The following SLC26A6 variants were observed in gnomAD, a reference collection of about 807,000 sequenced individuals.
SLC26A6 encodes the protein anion exchange transporter.
In SLC26A6, 67 loss-of-function variants were observed where a neutral mutation model predicts 87.1. The ratio of observed to expected loss-of-function variants is 0.77; its 90% CI spans 0.63 to 0.94. The LOEUF is 0.94. Among genes scored for constraint, SLC26A6 ranks in the 40% least tolerant of loss-of-function variants. The pLI is 0.00. For missense variants in SLC26A6, 902 were observed against 973.0 expected (o/e 0.93, Z 0.97); for synonymous variants, 414 against 405.9 (o/e 1.02, Z -0.24).
In SLC26A6 at chr3:48,628,700, C is replaced by T. The variant is rs1423890377; in HGVS notation, c.1614G>A (p.Arg538=). 1 of 1,613,376 alleles carries T rather than the reference C, an allele frequency of 6.2e-7. No individual in the cohort carries two copies. Among genetic ancestry groups the T allele is most frequent in the South Asian group, 1.1e-5 (1 of 91,080 alleles). Residue 538 remains arginine (R), a synonymous_variant, in exon 15 of 21, where the codon CGG becomes CGA. Coordinates refer to ENST00000395550, the MANE Select transcript of SLC26A6 (RefSeq NM_022911.3). The surrounding 1 kb of genome is among the most constrained non-coding windows in gnomAD (Gnocchi z 4.4). ...VAEYSEAKEV[R]GVKVFRSSAT... ...CCGAGGAGCGGAAGACCTTCACCCC[C>T]CGGACTTCCTTGGCCTGGGGATGAG...
In SLC26A6 at chr3:48,635,354, A is replaced by G. The variant is rs2106683974; in HGVS notation, c.23+17T>C. The G allele has an allele frequency of 6.3e-7, 1 of 1,587,784 alleles. No individual in the cohort carries two copies. The highest frequency in any genetic ancestry group is 8.6e-7 in the Non-Finnish European group (1 of 1,168,800). On this transcript the variant is annotated intron_variant, in intron 1 of 20. Transcript: ENST00000395550. ...AGGCGCTCGCGCGGGGCCACCGGGA[A>G]TGTGCGCTGAACTCACCCCGACGCA...
Position 48,629,886 on chromosome 3 carries a change from C to T in SLC26A6, c.1515G>A (p.Val505=). 2 of 1,614,130 alleles carry T rather than the reference C, an allele frequency of 1.2e-6. No individual in the cohort carries two copies. Among genetic ancestry groups the T allele is most frequent in the Non-Finnish European group, 1.7e-6 (2 of 1,180,036 alleles). ...GGCGGACTCACATCTGTGTCCGGAC[C>T]ACCACGAGCAGCAGGGAGAAGATGA... ...VAVIFSLLLV[V]VRTQMPHYSV... The change falls in exon 13 of 21, where the codon GTG becomes GTA. Residue 505 remains valine, a synonymous_variant. Coordinates refer to ENST00000395550, the MANE Select transcript of SLC26A6 (RefSeq NM_022911.3).
rs751401987 is a variant in SLC26A6, at chr3:48,630,093, C to A, written c.1391G>T (p.Arg464Leu). The A allele has an allele frequency of 1.2e-6, 2 of 1,611,718 alleles. No homozygotes were observed. The highest frequency in any genetic ancestry group is 1.7e-6 in the Non-Finnish European group (2 of 1,178,408). The change falls in exon 12 of 21, where the codon CGC becomes CTC. Residue 464 changes from arginine (R) to leucine (L), a missense_variant. By Grantham distance (102) the Arg-to-Leu change is moderately radical. Coordinates refer to ENST00000395550, the MANE Select transcript of SLC26A6 (RefSeq NM_022911.3). ...KGMLRQLSDM[R>L]SLWKANRADL... is the part of the protein sequence containing the mutation. ...CGCCCGATTGGCCTTCCAGAGGGAG[C>A]GCATGTCGCTGAGCTGCCTCAGCAT...
At position 48,625,958 on chromosome 3, in the gene SLC26A6, G is replaced by A. The variant is rs1267663770; in HGVS notation, c.*28C>T. On this transcript the variant is annotated 3_prime_UTR_variant, in exon 21 of 21. Coordinates refer to ENST00000395550, the MANE Select transcript of SLC26A6 (RefSeq NM_022911.3). The surrounding 1 kb of genome is among the most constrained non-coding windows in gnomAD (Gnocchi z 4.7). ...TCAAGGGTGCCCTGCACCTCCAGAG[G>A]TGCAGTCTTGGGCAGGATGTAGCAT... 1.6e-5 allele frequency: 26 copies of A among 1,613,642 alleles called. No individual in the cohort carries two copies. Among genetic ancestry groups the A allele is most frequent in the Non-Finnish European group, 2.2e-5 (26 of 1,179,960 alleles).
chr3:48,632,262 G>A lies in SLC26A6; in HGVS notation c.568C>T (p.Leu190=). The A allele has an allele frequency of 6.2e-7, 1 of 1,607,312 alleles. No individual in the cohort carries two copies. The highest frequency in any genetic ancestry group is 8.5e-7 in the Non-Finnish European group (1 of 1,176,656). Residue 190 remains leucine (L), a synonymous_variant, in exon 5 of 21, where the codon CTG becomes TTG. Coordinates refer to ENST00000395550, the MANE Select transcript of SLC26A6 (RefSeq NM_022911.3). ...TTCCACACCTGGAAGAGGCCAACCA[G>A]GACACTGAGTGTGGAGGCCACCTGT... ...RVQVASTLSV[L]VGLFQVGLGL... is the part of the protein sequence containing the mutation.
chr3:48,627,372 A>G (rs1045383485), intron 17 of SLC26A6: 2 of 348,958 alleles, frequency 5.7e-6, no homozygotes, highest in African/African-American at 4.2e-5. Context: ...GGAGCAGGCC[A>G]GAATAGACAC....
chr3:48,627,215 A>G, intron 17 of SLC26A6, 160 bp from the exon 18 acceptor site: 1 of 838,436 alleles, frequency 1.2e-6, no homozygotes, highest in Non-Finnish European at 1.8e-6. Flanking sequence ...AAAGACAGGA[A>G]TGACAGATGT....
Position 48,628,784 on chromosome 3 carries a change from T to C in SLC26A6, c.1600-70A>G. ...TGGCTGCATCCTGTTCTCCTGCCTT[T>C]CCTTCCCTAGTGTGCCCAGTGCCTG... On this transcript the variant is annotated intron_variant, in intron 14 of 20. Coordinates refer to ENST00000395550, the MANE Select transcript of SLC26A6 (RefSeq NM_022911.3). This position sits in a 1 kb window ranked among gnomAD's most constrained non-coding sequence, Gnocchi z 4.4. 3 of 1,548,636 alleles carry C rather than the reference T, an allele frequency of 1.9e-6. No homozygotes were observed. The East Asian group carries it at 7.1e-5, about 37-fold the overall frequency.
intron 1 of SLC26A6, chr3:48,633,850 G>A (rs770211829): frequency 1.3e-4 from 179 of 1,425,738 alleles, no homozygotes; most frequent in Non-Finnish European, 1.6e-4. Context: ...CCTCTTTCTA[G>A]GACAAAGTCC....
At position 48,630,473 on chromosome 3, in the gene SLC26A6, CAAT is replaced by C; in HGVS notation, c.1288_1290del (p.Ile430del). 2 of 1,560,930 alleles carry C rather than the reference CAAT, an allele frequency of 1.3e-6. No homozygotes were observed. The highest frequency in any genetic ancestry group is 2.4e-5 in the East Asian group (1 of 41,540). On this transcript the variant is annotated inframe_deletion, in exon 11 of 21. Transcript: ENST00000395550. Reference sequence around the variant, plus strand: ...TCATGGAAGAGTTCCCCAAGTTTGACAATGATGAGGAGGATGAAAAGGGAAGAG... The same window carrying C: ...TCATGGAAGAGTTCCCCAAGTTTGACGATGAGGAGGATGAAAAGGGAAGAG...
In SLC26A6 at chr3:48,625,831, G is replaced by T; in HGVS notation, c.*155C>A. The T allele has an allele frequency of 1.1e-6, 1 of 909,284 alleles. No individual in the cohort carries two copies. Among genetic ancestry groups the T allele is most frequent in the Non-Finnish European group, 1.7e-6 (1 of 590,096 alleles). 56.3% of individuals were successfully genotyped at this position (909,284 alleles called of 1,614,324 possible). ...GCAGGCCCTGTCCCAGACCTGGAGC[G>T]CTGAACTTGGAGTCCCAGGACCTCC... On this transcript the variant is annotated 3_prime_UTR_variant, in exon 21 of 21. Coordinates refer to ENST00000395550, the MANE Select transcript of SLC26A6 (RefSeq NM_022911.3). This position sits in a 1 kb window ranked among gnomAD's most constrained non-coding sequence, Gnocchi z 4.7.
intron 9 of SLC26A6, 96 bp downstream of exon 9, chr3:48,630,897 T>A (rs2046769164): frequency 2.5e-6 from 4 of 1,569,608 alleles, no homozygotes; most frequent in Non-Finnish European, 3.5e-6. Context: ...CCTCAGCACA[T>A]CTGCTGTCTC....
chr3:48,633,693 C>G, intron 1 of SLC26A6, 58 bp from the exon 2 acceptor site: 1 of 1,593,112 alleles, frequency 6.3e-7, no homozygotes. Flanking sequence ...ACCTCCCCTA[C>G]ACCTCCACCT....
At position 48,627,053 on chromosome 3, in the gene SLC26A6, C is replaced by G; in HGVS notation, c.1896G>C (p.Gln632His). The change falls in exon 18 of 21, where the codon CAG becomes CAC. Residue 632 changes from glutamine to histidine, a missense_variant and splice_region_variant. This residue lies in a region of SLC26A6 where 800 missense variants were observed against 856.8 expected (regional missense o/e 0.93). Coordinates refer to ENST00000395550, the MANE Select transcript of SLC26A6 (RefSeq NM_022911.3). ...SNNVEDCKMM[Q>H]VSSGDKMEDA... is the part of the protein sequence containing the mutation. ...CTTCCATCTTATCTCCTGAGCTCAC[C>G]TGCTGGGGAGCCAGACATGCTGCCA... The G allele has an allele frequency of 6.2e-7, 1 of 1,611,772 alleles. No homozygotes were observed. The highest frequency in any genetic ancestry group is 8.5e-7 in the Non-Finnish European group (1 of 1,178,958).
Position 48,628,866 on chromosome 3 carries a change from GC to G in SLC26A6, c.1600-153del. The G allele has an allele frequency of 1.2e-6, 1 of 859,532 alleles. No individual in the cohort carries two copies. The highest frequency in any genetic ancestry group is 1.8e-6 in the Non-Finnish European group (1 of 546,602). 53.2% of individuals were successfully genotyped at this position (859,532 alleles called of 1,614,324 possible). A position where few individuals can be genotyped will look rare whatever the true frequency, so the allele number is the denominator to read the frequency against. ...AGTCCAGGCCCTCCCAGGGGCTTAGGCCACAAGCCCGACGGTGTCATCCCCA... is the reference window on the plus strand; with the variant it reads ...AGTCCAGGCCCTCCCAGGGGCTTAGGCACAAGCCCGACGGTGTCATCCCCA... On this transcript the variant is annotated intron_variant, in intron 14 of 20. Coordinates refer to ENST00000395550, the MANE Select transcript of SLC26A6 (RefSeq NM_022911.3). The surrounding 1 kb of genome is among the most constrained non-coding windows in gnomAD (Gnocchi z 4.4).
rs367577022 is a variant in SLC26A6 at position 48,630,162 on chromosome 3, G to A, written c.1327-5C>T. ...GATGATGGCTGCCAGGACCGCCTGG[G>A]GTGGGGACAGTGCCACCAGGGGCCA... is the stretch of plus-strand genomic sequence containing the variant. On this transcript the variant is annotated splice_region_variant and splice_polypyrimidine_tract_variant and intron_variant, in intron 11 of 20. Coordinates refer to ENST00000395550, the MANE Select transcript of SLC26A6 (RefSeq NM_022911.3). The A allele has an allele frequency of 6.2e-7, 1 of 1,605,212 alleles. No individual in the cohort carries two copies. The highest frequency in any genetic ancestry group is 1.3e-5 in the African/African-American group (1 of 74,732).
rs550274634 is a variant in SLC26A6, at chr3:48,628,199, G to A, written c.1801-161C>T. 2.3e-5 allele frequency: 18 copies of A among 783,858 alleles called. No homozygotes were observed. Among genetic ancestry groups the A allele is most frequent in the East Asian group, 1.3e-4 (5 of 37,650 alleles). 48.6% of individuals were successfully genotyped at this position (783,858 alleles called of 1,614,324 possible). ...CCAGGCTGAAGCTCCTGGAACAGCC[G>A]TGAAAGGGAAGAGGACTGTGACGGT... On this transcript the variant is annotated intron_variant, in intron 16 of 20. Transcript: ENST00000395550. The surrounding 1 kb of genome is among the most constrained non-coding windows in gnomAD (Gnocchi z 4.4).
rs990938150 is a variant in SLC26A6 at position 48,635,449 on chromosome 3, C to T, written c.-56G>A. On this transcript the variant is annotated 5_prime_UTR_variant, in exon 1 of 21. Transcript: ENST00000395550. ...CTGCTGCTCGAGCTAGAGGCCGCTA[C>T]GCTCCGGAAGGCGGCGCCGGGACCG... 5.2e-6 allele frequency: 8 copies of T among 1,550,216 alleles called. No individual in the cohort carries two copies. In the African/African-American group the frequency reaches 1.1e-4, roughly 21 times the overall value.
chr3:48,633,094 G>C lies in SLC26A6; in HGVS notation c.323-10C>G. 2 of 1,609,256 alleles carry C rather than the reference G, an allele frequency of 1.2e-6. No individual in the cohort carries two copies. The highest frequency in any genetic ancestry group is 1.7e-6 in the Non-Finnish European group (2 of 1,177,718). On this transcript the variant is annotated splice_polypyrimidine_tract_variant and intron_variant, in intron 3 of 20. Transcript: ENST00000395550. The stretch of plus-strand genomic sequence containing the variant: ...AGGGCGTAGGCCAAGCCTAGGGGTA[G>C]AATGGTAGCAGTGCAGGCCTGGAGA...
Sources: allele counts gnomAD v4.1 joint callset, GRCh38; gene constraint gnomAD v4.1.1; regional missense constraint gnomAD v4.1.1; non-coding constraint Gnocchi (gnomAD v3.1); transcripts MANE v1.5; gene names NCBI Gene and HGNC (gene_info 2026-07-23, HGNC 2026-07-21).